The following ANKFN1 variants were observed in gnomAD, a reference collection of about 807,000 sequenced individuals.
The protein encoded by ANKFN1 is ankyrin repeat and fibronectin type III domain containing 1.
In ANKFN1, 74 loss-of-function variants were observed where a neutral mutation model predicts 108.7. The observed-to-expected ratio is 0.68, with a 90% CI of 0.56 to 0.83. The LOEUF (loss-of-function observed/expected upper bound fraction) is 0.83. Among genes scored for constraint, ANKFN1 ranks in the 40% least tolerant of loss-of-function variants. The probability of loss-of-function intolerance (pLI) is 0.00; values close to 1 mark genes in which losing one functional copy is unlikely to be tolerated. For missense variants in ANKFN1, 1,505 were observed against 1,382.3 expected, an observed-to-expected ratio of 1.09 and a Z score of -1.41; for synonymous variants, 547 against 516.2, an observed-to-expected ratio of 1.06 and a Z score of -0.81.
intron 3 of ANKFN1, among the ~76,000 whole-genome samples, chr17:56,304,180 C>A (rs1263663208): frequency 6.6e-6 from 1 of 152,130 alleles, no homozygotes; most frequent in African/African-American, 2.4e-5. Context: ...CTCCTTAACT[C>A]CTGACAACCA....
chr17:56,092,608 T>C (rs1905441332), intron 4 of ANKFN1, among the ~76,000 whole-genome samples: 4 of 151,074 alleles, frequency 2.6e-5, no homozygotes, highest in Admixed American at 2.6e-4. Context: ...AACAAATTCC[T>C]GTGAATTTAG....
chr17:56,475,674 A>G lies in ANKFN1; in HGVS notation c.1774-1814A>G, dbSNP rs188506162. ...TTGTGGGGTACAAAGTGATGTTTTGATATATGTATACAATGTAGAATGACT... is the reference window on the plus strand; with the variant it reads ...TTGTGGGGTACAAAGTGATGTTTTGGTATATGTATACAATGTAGAATGACT... On this transcript the variant is annotated intron_variant, in intron 15 of 20. Coordinates refer to ENST00000682825, the MANE Select transcript of ANKFN1 (RefSeq NM_001370326.1). Among the ~76,000 whole-genome samples, 957 of 152,286 alleles carry G rather than the reference A, an allele frequency of 6.3e-3. 5 individuals carry two copies. Among genetic ancestry groups the G allele is most frequent in the Non-Finnish European group, 8.9e-3 (604 of 68,020 alleles).
At chr17:56,414,097 T>C (rs2070212598) in intron 8 of ANKFN1, among the ~76,000 whole-genome samples, 1 of 152,248 alleles carries the variant, frequency 6.6e-6, no homozygotes, top group African/African-American at 2.4e-5. Flanking sequence ...GCCAGTATTT[T>C]GTTGAGGAGT....
chr17:56,303,810 G>C (rs952802266), intron 3 of ANKFN1, among the ~76,000 whole-genome samples: 1 of 151,042 alleles, frequency 6.6e-6, no homozygotes, highest in Non-Finnish European at 1.5e-5. Context: ...TCAGCCTCCC[G>C]AGTAGCTGGG....
At chr17:56,285,654 T>G (rs974860020) in intron 3 of ANKFN1, among the ~76,000 whole-genome samples, 1 of 152,176 alleles carries the variant, frequency 6.6e-6, no homozygotes, top group Non-Finnish European at 1.5e-5. Context: ...ACCCACAGCT[T>G]GTGACTCCAT....
intron 3 of ANKFN1, among the ~76,000 whole-genome samples, chr17:56,253,408 G>T (rs151073177): frequency 3.2e-4 from 48 of 152,292 alleles, no homozygotes; most frequent in Non-Finnish European, 4.9e-4. Context: ...CTGAAGGCCA[G>T]TGGGTGTACA....
chr17:56,327,345 A>C (rs1190622403), intron 4 of ANKFN1, among the ~76,000 whole-genome samples: 2 of 152,106 alleles, frequency 1.3e-5, no homozygotes, highest in Non-Finnish European at 2.9e-5. Flanking sequence ...GTGAACTCAG[A>C]GTCCATATAA....
chr17:56,159,171 T>A (rs1909405720), intron 1 of ANKFN1, among the ~76,000 whole-genome samples: 1 of 152,136 alleles, frequency 6.6e-6, no homozygotes, highest in African/African-American at 2.4e-5. Flanking sequence ...TTCAGCTGTC[T>A]CCTGAATGAA....
At chr17:56,494,751 A>G (rs1002102752) in intron 19 of ANKFN1, among the ~76,000 whole-genome samples, 2 of 152,108 alleles carry the variant, frequency 1.3e-5, no homozygotes, top group Non-Finnish European at 2.9e-5. Flanking sequence ...TTATGACTTA[A>G]CAACCAGAGA....
intron 6 of ANKFN1, among the ~76,000 whole-genome samples, chr17:56,369,423 TG>T (rs1234817129): frequency 6.6e-6 from 1 of 151,762 alleles, no homozygotes; most frequent in African/African-American, 2.4e-5. Context: ...ATTTCTCAAT[TG>T]TAAAAAAAAA....
At chr17:56,410,698 T>C (rs902692523) in intron 8 of ANKFN1, among the ~76,000 whole-genome samples, 3 of 152,148 alleles carry the variant, frequency 2.0e-5, no homozygotes, top group Non-Finnish European at 4.4e-5. Context: ...TCTCTCCATC[T>C]CCAGCCCCCA....
intron 3 of ANKFN1, among the ~76,000 whole-genome samples, chr17:56,255,577 A>AT (rs1323374771): frequency 1.3e-5 from 2 of 152,122 alleles, no homozygotes; most frequent in African/African-American, 4.8e-5. Context: ...AGAAGTGGTT[A>AT]TTTTTTAATG....
At chr17:56,050,939 CA>C (rs1311029239) in intron 4 of ANKFN1, among the ~76,000 whole-genome samples, 1 of 142,168 alleles carries the variant, frequency 7.0e-6, no homozygotes, top group Admixed American at 7.2e-5. Context: ...GTTTACCAAC[CA>C]AAAAGAGTCC....
At chr17:56,111,782 C>T (rs1905978426) in intron 4 of ANKFN1, among the ~76,000 whole-genome samples, 1 of 152,166 alleles carries the variant, frequency 6.6e-6, no homozygotes, top group Admixed American at 6.5e-5. Flanking sequence ...TTATAAAGTA[C>T]ATCTTTAAAA....
intron 6 of ANKFN1, 44 bp downstream of exon 6, chr17:56,354,090 T>A (rs1163285332): frequency 6.3e-7 from 1 of 1,582,556 alleles, no homozygotes; most frequent in African/African-American, 1.3e-5. Context: ...AAAGCCAGAT[T>A]CCAGCCTTAT....
intron 3 of ANKFN1, among the ~76,000 whole-genome samples, chr17:56,267,239 G>A (rs1046440260): frequency 3.3e-5 from 5 of 152,172 alleles, no homozygotes; most frequent in African/African-American, 9.6e-5. Context: ...TGTAAGAAGT[G>A]TCTGTTCATG....
At chr17:56,266,058 A>G (rs1272214709) in intron 3 of ANKFN1, among the ~76,000 whole-genome samples, 1 of 152,228 alleles carries the variant, frequency 6.6e-6, no homozygotes, top group Non-Finnish European at 1.5e-5. Context: ...GATAACTTTT[A>G]TAAGCTGTAA....
chr17:56,368,061 C>A, intron 6 of ANKFN1: 5 of 637,828 alleles, frequency 7.8e-6, no homozygotes, highest in Non-Finnish European at 6.9e-6. Flanking sequence ...TAGCCCCATT[C>A]TGCCATCAGA....
intron 3 of ANKFN1, among the ~76,000 whole-genome samples, chr17:56,315,129 A>G (rs759975424): frequency 6.6e-6 from 1 of 152,298 alleles, no homozygotes; most frequent in South Asian, 2.1e-4. Context: ...TCCTGTCCAT[A>G]TGCCACATTG....
Sources: gnomAD v4.1 joint callset for allele counts (sites outside exome capture counted in the v4.1 genomes callset) on GRCh38, gnomAD v4.1.1 for gene constraint, MANE v1.5 for transcripts, NCBI Gene and HGNC (gene_info 2026-07-23, HGNC 2026-07-21) for gene names.